Variants in SIL1 observed in about 807,000 individuals in gnomAD.
SIL1 encodes the protein nucleotide exchange factor SIL1.
SIL1 carries 40 observed loss-of-function variants against 49.1 expected under a neutral mutation model. The ratio of observed to expected loss-of-function variants is 0.81; its 90% CI spans 0.63 to 1.06. The LOEUF (loss-of-function observed/expected upper bound fraction) is 1.06. SIL1 is among the 50% of genes least tolerant of loss of function. SIL1 has a pLI of 0.00. For missense variants in SIL1, 500 were observed against 572.6 expected (o/e 0.87, Z 1.29); for synonymous variants, 253 against 250.8 (o/e 1.01, Z -0.08).
chr5:139,015,113 G>A (rs953106080), intron 7 of SIL1, among the ~76,000 whole-genome samples: 1 of 152,068 alleles, frequency 6.6e-6, no homozygotes, highest in Non-Finnish European at 1.5e-5. Context: ...CATGTCCAAG[G>A]TATCAATTTA....
At chr5:138,985,616 T>A (rs1397628571) in intron 7 of SIL1, among the ~76,000 whole-genome samples, 1 of 152,162 alleles carries the variant, frequency 6.6e-6, no homozygotes, top group Non-Finnish European at 1.5e-5. Context: ...GAACCTCATA[T>A]CTAGTGCTCT....
chr5:139,132,662 G>T (rs976779051), intron 1 of SIL1, among the ~76,000 whole-genome samples: 26 of 152,192 alleles, frequency 1.7e-4, no homozygotes, highest in African/African-American at 6.3e-4. Context: ...CATCCAGAGA[G>T]CAAGAGCAAG....
chr5:139,190,473 G>A (rs934402543), intron 1 of SIL1, among the ~76,000 whole-genome samples: 1 of 152,190 alleles, frequency 6.6e-6, no homozygotes, highest in African/African-American at 2.4e-5. Context: ...CTTCCCAGGA[G>A]ACTTTTAACT....
chr5:138,993,293 C>G (rs1168334524), intron 7 of SIL1, among the ~76,000 whole-genome samples: 1 of 152,158 alleles, frequency 6.6e-6, no homozygotes. Flanking sequence ...GGGATGGCAT[C>G]CTAGTGTGAC....
At chr5:139,127,523 C>G (rs907379482) in intron 2 of SIL1, among the ~76,000 whole-genome samples, 1 of 151,758 alleles carries the variant, frequency 6.6e-6, no homozygotes, top group Non-Finnish European at 1.5e-5. Flanking sequence ...TCATATTTTC[C>G]CCAAAGGGAA....
chr5:139,008,206 A>C (rs1182569483), intron 7 of SIL1, among the ~76,000 whole-genome samples: 1 of 151,634 alleles, frequency 6.6e-6, no homozygotes, highest in South Asian at 2.1e-4. Context: ...GTATGTGTCG[A>C]GGAATTTATC....
At position 139,025,478 on chromosome 5, in the gene SIL1, T is replaced by C. The variant is rs1012369965; in HGVS notation, c.645+1323A>G. On this transcript the variant is annotated intron_variant, in intron 6 of 9. Transcript: ENST00000394817. ...CAATGAATTAATGCATACAGAGCAC[T>C]TGAAGCAGTGCCTGGTATATGACAA... Among the ~76,000 whole-genome samples, 24 of 152,344 alleles carry C rather than the reference T, an allele frequency of 1.6e-4. 1 individual carries two copies. The highest frequency in any genetic ancestry group is 1.3e-3 in the Admixed American group (20 of 15,314).
At chr5:139,093,776 T>G (rs1770394409) in intron 3 of SIL1, 1 of 152,192 alleles carries the variant, frequency 6.6e-6, no homozygotes, top group Non-Finnish European at 1.5e-5. Flanking sequence ...CCCTATAAAT[T>G]TTCAGTGCAT....
chr5:139,165,419 G>A (rs1394964783), intron 1 of SIL1, among the ~76,000 whole-genome samples: 5 of 152,030 alleles, frequency 3.3e-5, no homozygotes, highest in Admixed American at 1.3e-4. Flanking sequence ...TGTGATCTCG[G>A]CTCACTGCAA....
rs57028301 is a variant in SIL1 at position 139,160,143 on chromosome 5, T to TCACACA, written c.-10-32296_-10-32291dup. On this transcript the variant is annotated intron_variant, in intron 1 of 9. Transcript: ENST00000394817. The stretch of plus-strand genomic sequence containing the variant: ...ACCCATCCCAATCACATTTCCACAA[T>TCACACA]CACACACACACACACACACACACAC... Among the ~76,000 whole-genome samples, 547 of 137,846 alleles carry TCACACA rather than the reference T, an allele frequency of 4.0e-3. 2 individuals are homozygous for TCACACA. Among genetic ancestry groups the TCACACA allele is most frequent in the East Asian group, 9.6e-3 (43 of 4,456 alleles). 90.4% of individuals were successfully genotyped at this position (137,846 alleles called of 152,430 possible). A position where few individuals can be genotyped will look rare whatever the true frequency, so the allele number is the denominator to read the frequency against.
intron 7 of SIL1, among the ~76,000 whole-genome samples, chr5:139,011,714 G>A (rs911081391): frequency 1.3e-5 from 2 of 152,104 alleles, no homozygotes; most frequent in African/African-American, 4.8e-5. Flanking sequence ...GCTTTGTGAT[G>A]TTTTGGTTGT....
intron 3 of SIL1, among the ~76,000 whole-genome samples, chr5:139,114,088 T>C (rs1171513233): frequency 6.6e-6 from 1 of 152,228 alleles, no homozygotes; most frequent in African/African-American, 2.4e-5. Flanking sequence ...AATGCACAGA[T>C]TGCAAACTGG....
chr5:139,174,714 G>T (rs933763867), intron 1 of SIL1, among the ~76,000 whole-genome samples: 1 of 152,022 alleles, frequency 6.6e-6, no homozygotes, highest in Non-Finnish European at 1.5e-5. Context: ...AAGGCAGGCA[G>T]ATCACCTGAG....
At chr5:139,036,397 T>G (rs1049041356) in intron 5 of SIL1, among the ~76,000 whole-genome samples, 3 of 152,200 alleles carry the variant, frequency 2.0e-5, no homozygotes, top group African/African-American at 7.2e-5. Flanking sequence ...ATTTATTGAA[T>G]AGGGAATCCT....
intron 4 of SIL1, among the ~76,000 whole-genome samples, chr5:139,048,666 G>A (rs764872469): frequency 4.6e-5 from 7 of 152,142 alleles, no homozygotes; most frequent in Non-Finnish European, 7.4e-5. Context: ...CACTGTACCC[G>A]GCCCCTAACT....
At position 138,946,934 on chromosome 5, in the gene SIL1, A is replaced by G; in HGVS notation, c.*183T>C. 1.6e-6 allele frequency: 1 copy of G among 636,550 alleles called. No homozygotes were observed. The highest frequency in any genetic ancestry group is 2.9e-6 in the Non-Finnish European group (1 of 350,420). The allele number at this position is 636,550 out of a possible 1,614,324, so 39.4% of individuals were successfully genotyped here. A position where few individuals can be genotyped will look rare whatever the true frequency, so the allele number is the denominator to read the frequency against. ...AGCCCATCACCCAACCACTCACCTG[A>G]CCCCCCGGCCACAGGGCTGTGCCCA... On this transcript the variant is annotated 3_prime_UTR_variant, in exon 10 of 10. Transcript: ENST00000394817.
At chr5:139,174,855 T>C (rs1023144277) in intron 1 of SIL1, among the ~76,000 whole-genome samples, 1 of 146,980 alleles carries the variant, frequency 6.8e-6, no homozygotes, top group Admixed American at 6.9e-5. Flanking sequence ...GGAGAATCAC[T>C]TGAACATGGG....
At chr5:138,989,933 T>G (rs1767722213) in intron 7 of SIL1, among the ~76,000 whole-genome samples, 1 of 152,168 alleles carries the variant, frequency 6.6e-6, no homozygotes, top group African/African-American at 2.4e-5. Flanking sequence ...AACAAATCAC[T>G]GCAGCAGAGG....
intron 3 of SIL1, among the ~76,000 whole-genome samples, chr5:139,051,625 G>A (rs1255376317): frequency 6.6e-6 from 1 of 152,200 alleles, no homozygotes; most frequent in Non-Finnish European, 1.5e-5. Flanking sequence ...GCCAGGGCTT[G>A]GCACATAAAA....
Sources: gnomAD v4.1 joint callset for allele counts (sites outside exome capture counted in the v4.1 genomes callset) on GRCh38, gnomAD v4.1.1 for gene constraint, MANE v1.5 for transcripts, NCBI Gene and HGNC (gene_info 2026-07-23, HGNC 2026-07-21) for gene names.